Variants in MAP1LC3B2 observed in about 807,000 individuals in gnomAD.
The protein encoded by MAP1LC3B2 is microtubule associated protein 1 light chain 3 beta 2.
For synonymous variants in MAP1LC3B2, 62 were observed against 57.8 expected (o/e 1.07, Z -0.33); for missense variants, 155 against 154.6 (o/e 1.00, Z -0.01).
Position 116,576,150 on chromosome 12 carries a change from C to T in MAP1LC3B2, c.208C>T (p.Arg70Cys), listed in dbSNP as rs1869673179. The T allele has an allele frequency of 1.7e-5, 28 of 1,613,982 alleles. No homozygotes were observed. The highest frequency in any genetic ancestry group is 2.2e-5 in the Non-Finnish European group (26 of 1,180,030). The change falls in exon 2 of 2, where the codon CGC becomes TGC. Residue 70 changes from arginine (R) to cysteine (C), a missense_variant. By Grantham distance (180) the Arg-to-Cys change is radical (BLOSUM62 -3). Coordinates refer to ENST00000556529, the MANE Select transcript of MAP1LC3B2 (RefSeq NM_001085481.3). ...TGAGCTCATCAAGATAATTAGAAGG[C>T]GCTTACAGCTCAATGCTAATCAGGC... Reference protein sequence around the residue: ...MSELIKIIRRRLQLNANQAFF... With the variant: ...MSELIKIIRRCLQLNANQAFF...
intron 1 of MAP1LC3B2, among the ~76,000 whole-genome samples, chr12:116,566,206 T>A (rs1869381482): frequency 6.6e-6 from 1 of 152,228 alleles, no homozygotes; most frequent in South Asian, 2.1e-4. Context: ...TGAACCTGTG[T>A]CCTGGGAACA....
At chr12:116,565,094 A>T (rs964401297) in intron 1 of MAP1LC3B2, among the ~76,000 whole-genome samples, 14 of 152,228 alleles carry the variant, frequency 9.2e-5, no homozygotes, top group African/African-American at 3.1e-4. Context: ...AGAAAAATTT[A>T]AAAAAGGAAC....
chr12:116,570,858 T>C (rs530969630), intron 1 of MAP1LC3B2, among the ~76,000 whole-genome samples: 64 of 152,204 alleles, frequency 4.2e-4, no homozygotes, highest in Non-Finnish European at 8.8e-4. Flanking sequence ...CAGGATGTAT[T>C]AATAAGTCGA....
rs1427931305 is a variant in MAP1LC3B2 at position 116,567,677 on chromosome 12, G to A, written c.-101-8165G>A. On this transcript the variant is annotated intron_variant, in intron 1 of 1. Transcript: ENST00000556529. ...GCAGGAGAATTGCTTGAACCCCAGA[G>A]GTGGAGTTTGCAGTGAGCCGAGATT... Among the ~76,000 whole-genome samples the A allele has an allele frequency of 3.3e-5, 5 of 151,922 alleles. No homozygotes were observed. In the East Asian group the frequency reaches 5.8e-4, roughly 18 times the overall value.
At chr12:116,563,159 A>T (rs540928644) in intron 1 of MAP1LC3B2, among the ~76,000 whole-genome samples, 1 of 152,132 alleles carries the variant, frequency 6.6e-6, no homozygotes, top group Non-Finnish European at 1.5e-5. Flanking sequence ...GGGTTTCTCC[A>T]TGTCGGTCAG....
chr12:116,570,555 T>A (rs1425699786), intron 1 of MAP1LC3B2, among the ~76,000 whole-genome samples: 3 of 152,226 alleles, frequency 2.0e-5, no homozygotes, highest in African/African-American at 7.2e-5. Flanking sequence ...GTTTCCCCCA[T>A]ACTGTTCTGG....
intron 1 of MAP1LC3B2, among the ~76,000 whole-genome samples, chr12:116,572,677 G>C (rs1057153164): frequency 6.6e-5 from 10 of 152,336 alleles, no homozygotes; most frequent in African/African-American, 2.2e-4. Flanking sequence ...GCATGCCTCA[G>C]TTCTACATGC....
rs1869663857 is a variant in MAP1LC3B2, at chr12:116,575,955, A to G, written c.13A>G (p.Lys5Glu). The change falls in exon 2 of 2, where the codon AAG becomes GAG. Residue 5 changes from lysine to glutamate, a missense_variant. Coordinates refer to ENST00000556529, the MANE Select transcript of MAP1LC3B2 (RefSeq NM_001085481.3). The stretch of plus-strand genomic sequence containing the variant: ...AGATCCCCACACCATGCCGTCGGAG[A>G]AGACCTTCAAGCAGCGGCGCACCTT... MPSE[K>E]TFKQRRTFEQ... 11 of 1,614,198 alleles carry G rather than the reference A, an allele frequency of 6.8e-6. No individual in the cohort carries two copies. The highest frequency in any genetic ancestry group is 9.3e-6 in the Non-Finnish European group (11 of 1,180,044).
At chr12:116,566,158 C>T (rs1215780033) in intron 1 of MAP1LC3B2, among the ~76,000 whole-genome samples, 1 of 152,170 alleles carries the variant, frequency 6.6e-6, no homozygotes. Context: ...AGGAAGATTT[C>T]CAGAGAATAA....
rs761162945 is a variant in MAP1LC3B2 at position 116,575,910 on chromosome 12, C to A, written c.-33C>A. ...CCCCCAGGAGCCGCCGGGACCCTCG[C>A]GTCGTCGCCGCCGCGGCCCAGATCC... On this transcript the variant is annotated 5_prime_UTR_variant, in exon 2 of 2. Transcript: ENST00000556529. The A allele has an allele frequency of 6.2e-7, 1 of 1,612,988 alleles. No individual in the cohort carries two copies. Among genetic ancestry groups the A allele is most frequent in the South Asian group, 1.1e-5 (1 of 91,044 alleles).
chr12:116,568,474 A>C (rs570826845), intron 1 of MAP1LC3B2, among the ~76,000 whole-genome samples: 1 of 152,280 alleles, frequency 6.6e-6, no homozygotes, highest in South Asian at 2.1e-4. Flanking sequence ...ACAAGTCTGT[A>C]ATTTGTGCAG....
Position 116,568,978 on chromosome 12 carries a change from G to C in MAP1LC3B2, c.-101-6864G>C, listed in dbSNP as rs535666623. ...GGGTTCACGCCATTCTCCTGCCTCAGCCTCCTGCGTACCTGGGATTACAGG... is the reference window on the plus strand; with the variant it reads ...GGGTTCACGCCATTCTCCTGCCTCACCCTCCTGCGTACCTGGGATTACAGG... On this transcript the variant is annotated intron_variant, in intron 1 of 1. Transcript: ENST00000556529. Among the ~76,000 whole-genome samples, 13 of 150,842 alleles carry C rather than the reference G, an allele frequency of 8.6e-5. No individual in the cohort carries two copies. In the South Asian group the frequency reaches 2.3e-3, roughly 27 times the overall value.
At chr12:116,562,557 A>G (rs980362552) in intron 1 of MAP1LC3B2, among the ~76,000 whole-genome samples, 5 of 152,252 alleles carry the variant, frequency 3.3e-5, no homozygotes, top group African/African-American at 1.2e-4. Flanking sequence ...TGCTTGGTGC[A>G]TGCCTTGGGA....
rs375931993 is a variant in MAP1LC3B2, at chr12:116,576,013, G to C, written c.71G>C (p.Arg24Pro). ...AGAGTAGAAGATGTCCGACTTATTCGAGAGCAGCATCCAACCAAAATCCCG... is the reference window on the plus strand; with the variant it reads ...AGAGTAGAAGATGTCCGACTTATTCCAGAGCAGCATCCAACCAAAATCCCG... ...EQRVEDVRLI[R>P]EQHPTKIPVI... Residue 24 changes from arginine to proline, a missense_variant, in exon 2 of 2, where the codon CGA becomes CCA. Physicochemically the swap from Arg to Pro is moderately radical, Grantham distance 103. Coordinates refer to ENST00000556529, the MANE Select transcript of MAP1LC3B2 (RefSeq NM_001085481.3). 1 of 1,614,184 alleles carries C rather than the reference G, an allele frequency of 6.2e-7. No individual in the cohort carries two copies. Among genetic ancestry groups the C allele is most frequent in the African/African-American group, 1.3e-5 (1 of 75,032 alleles).
intron 1 of MAP1LC3B2, among the ~76,000 whole-genome samples, chr12:116,565,385 A>G (rs1359141894): frequency 6.6e-6 from 1 of 152,200 alleles, no homozygotes; most frequent in African/African-American, 2.4e-5. Flanking sequence ...AGAATGAGAA[A>G]CGAAGCGAAA....
chr12:116,571,891 T>G (rs1566024789), intron 1 of MAP1LC3B2, among the ~76,000 whole-genome samples: 1 of 151,466 alleles, frequency 6.6e-6, no homozygotes, highest in Non-Finnish European at 1.5e-5. Flanking sequence ...AAGCAACTGT[T>G]GTTTTTTTTT....
intron 1 of MAP1LC3B2, among the ~76,000 whole-genome samples, chr12:116,570,874 A>C (rs1869511259): frequency 1.3e-5 from 2 of 152,242 alleles, no homozygotes; most frequent in South Asian, 4.1e-4. Context: ...GTCGAGAAGC[A>C]CCTGTGTAAG....
chr12:116,560,230 A>ATGTATG lies in MAP1LC3B2; in HGVS notation c.-102+798_-102+799insGTATGT, dbSNP rs1317294327. 3.2e-5 allele frequency: 3 copies of ATGTATG among 94,996 alleles called. No homozygotes were observed. In the South Asian group the frequency reaches 9.8e-4, roughly 31 times the overall value. The allele number at this position is 94,996 out of a possible 1,614,324, so 5.9% of individuals were successfully genotyped here. A position where few individuals can be genotyped will look rare whatever the true frequency, so the allele number is the denominator to read the frequency against. Reference sequence around the variant, plus strand: ...TATATATATATATATATATATATATATATATATATATGTATGTATATGTAT... The same window carrying ATGTATG: ...TATATATATATATATATATATATATATGTATGTATATATATATGTATGTATATGTAT... On this transcript the variant is annotated intron_variant, in intron 1 of 1. Coordinates refer to ENST00000556529, the MANE Select transcript of MAP1LC3B2 (RefSeq NM_001085481.3).
At chr12:116,570,660 T>A (rs142173477) in intron 1 of MAP1LC3B2, among the ~76,000 whole-genome samples, 1 of 152,344 alleles carries the variant, frequency 6.6e-6, no homozygotes, top group East Asian at 1.9e-4. Flanking sequence ...CCATGTAAGA[T>A]GTGCCTTTTG....
Sources: gnomAD v4.1 joint callset for allele counts (sites outside exome capture counted in the v4.1 genomes callset) on GRCh38, gnomAD v4.1.1 for gene constraint, MANE v1.5 for transcripts, NCBI Gene and HGNC (gene_info 2026-07-23, HGNC 2026-07-21) for gene names.